The following ABCA12 variants were observed in gnomAD, a reference collection of about 807,000 sequenced individuals.
ABCA12 encodes glucosylceramide transporter ABCA12.
In ABCA12, 156 loss-of-function variants were observed where a neutral mutation model predicts 293.5. The observed-to-expected ratio is 0.53, with a 90% confidence interval of 0.47 to 0.61. The LOEUF (loss-of-function observed/expected upper bound fraction) is 0.61, where lower values mean the gene tolerates loss of function less well. ABCA12 is among the 20% of genes least tolerant of loss of function. The pLI is 0.00. For synonymous variants in ABCA12, 1,063 were observed against 1,108.0 expected (o/e 0.96, Z 0.81); for missense variants, 2,797 against 3,090.2 (o/e 0.91, Z 2.25).
intron 2 of ABCA12, among the ~76,000 whole-genome samples, chr2:215,099,763 A>C (rs1451120987): frequency 6.6e-6 from 1 of 152,144 alleles, no homozygotes; most frequent in African/African-American, 2.4e-5. Flanking sequence ...GTTGCCACTA[A>C]GTTTTGAGGG....
chr2:215,077,618 T>C (rs1701858569), intron 2 of ABCA12, among the ~76,000 whole-genome samples: 1 of 152,226 alleles, frequency 6.6e-6, no homozygotes, highest in South Asian at 2.1e-4. Context: ...TTGTGTTTAC[T>C]CCATTACCGA....
chr2:214,972,958 C>A (rs983047793), intron 36 of ABCA12, among the ~76,000 whole-genome samples: 1 of 152,038 alleles, frequency 6.6e-6, no homozygotes, highest in South Asian at 2.1e-4. Flanking sequence ...GGACCACAGA[C>A]GCGTGTCACC....
intron 9 of ABCA12, among the ~76,000 whole-genome samples, chr2:215,029,589 G>C (rs1302570015): frequency 6.6e-6 from 1 of 152,032 alleles, no homozygotes; most frequent in African/African-American, 2.4e-5. Flanking sequence ...GCTTAAAATA[G>C]AGGACAGTTG....
chr2:215,011,918 CA>C (rs1417642518), intron 16 of ABCA12, 52 bp downstream of exon 16: 45 of 1,512,738 alleles, frequency 3.0e-5, no homozygotes, highest in Non-Finnish European at 3.8e-5. Flanking sequence ...TATAACTACT[CA>C]ATATGACAGA....
chr2:215,028,737 A>G (rs1011738960), intron 9 of ABCA12, among the ~76,000 whole-genome samples: 1 of 152,212 alleles, frequency 6.6e-6, no homozygotes, highest in Non-Finnish European at 1.5e-5. Context: ...ACCCTATTAT[A>G]TAGGTTATGC....
intron 51 of ABCA12, 44 bp from the exon 52 acceptor site, chr2:214,934,259 A>G (rs759270855): frequency 6.2e-7 from 1 of 1,609,010 alleles, no homozygotes; most frequent in Admixed American, 1.7e-5. Flanking sequence ...AATGTCTGGT[A>G]ATGTTGACAT....
intron 37 of ABCA12, 25 bp from the exon 38 acceptor site, chr2:214,968,832 C>G: frequency 6.2e-7 from 1 of 1,602,660 alleles, no homozygotes; most frequent in Non-Finnish European, 8.5e-7. Flanking sequence ...AAAAATATAT[C>G]TTTGGTTTAG....
intron 2 of ABCA12, among the ~76,000 whole-genome samples, chr2:215,098,890 A>G (rs1702297264): frequency 6.6e-6 from 1 of 152,256 alleles, no homozygotes; most frequent in African/African-American, 2.4e-5. Flanking sequence ...CAAAGCAGAT[A>G]AGGACACCGC....
At chr2:214,957,602 T>C (rs1698989308) in intron 41 of ABCA12, among the ~76,000 whole-genome samples, 1 of 152,220 alleles carries the variant, frequency 6.6e-6, no homozygotes. Flanking sequence ...TCTCCAACCC[T>C]TTAAGCCGAT....
chr2:214,988,622 T>C (rs753054557), intron 26 of ABCA12, among the ~76,000 whole-genome samples: 2 of 152,338 alleles, frequency 1.3e-5, no homozygotes, highest in South Asian at 2.1e-4. Flanking sequence ...ACCCAACTTG[T>C]CTTCTTCCGT....
At chr2:214,966,698 T>C in intron 39 of ABCA12, 150 bp downstream of exon 39, 1 of 727,948 alleles carries the variant, frequency 1.4e-6, no homozygotes, top group Non-Finnish European at 2.5e-6. Context: ...CATCTGGCGA[T>C]AGTTACTACT....
intron 3 of ABCA12, 44 bp downstream of exon 3, chr2:215,064,022 T>C: frequency 2.5e-6 from 4 of 1,611,678 alleles, no homozygotes; most frequent in Non-Finnish European, 3.4e-6. Flanking sequence ...GAAACAAGAT[T>C]TGATCTCTCA....
chr2:215,122,939 C>T (rs1402026587), intron 1 of ABCA12, among the ~76,000 whole-genome samples: 1 of 152,130 alleles, frequency 6.6e-6, no homozygotes, highest in Non-Finnish European at 1.5e-5. Flanking sequence ...CCCATCATCC[C>T]TTCCCTACTA....
At chr2:215,114,248 C>T (rs1702641641) in intron 1 of ABCA12, among the ~76,000 whole-genome samples, 1 of 152,240 alleles carries the variant, frequency 6.6e-6, no homozygotes, top group Admixed American at 6.5e-5. Flanking sequence ...GCTGAGATTA[C>T]AGGCGTTAGT....
At position 214,932,198 on chromosome 2, in the gene ABCA12, CTGT is replaced by C. The variant is rs567012898; in HGVS notation, c.*433_*435del. 2.0e-4 allele frequency: 49 copies of C among 240,936 alleles called. No individual in the cohort carries two copies. The highest frequency in any genetic ancestry group is 1.1e-3 in the African/African-American group (47 of 43,054). 14.9% of individuals were successfully genotyped at this position (240,936 alleles called of 1,614,324 possible). A position where few individuals can be genotyped will look rare whatever the true frequency, so the allele number is the denominator to read the frequency against. On this transcript the variant is annotated 3_prime_UTR_variant, in exon 53 of 53. Transcript: ENST00000272895. ...TCATGTATTCATGATGATGTTCATTCTGTTGTTTTCTGGAAATAAATTATGTTG... is the reference window on the plus strand; with the variant it reads ...TCATGTATTCATGATGATGTTCATTCTGTTTTCTGGAAATAAATTATGTTG...
chr2:215,111,947 T>C (rs1483446729), intron 1 of ABCA12, among the ~76,000 whole-genome samples: 2 of 152,210 alleles, frequency 1.3e-5, no homozygotes. Context: ...TCACCTCTCA[T>C]GACTGCCCCA....
chr2:214,990,678 C>T lies in ABCA12; in HGVS notation c.3624+24G>A, dbSNP rs374924069. On this transcript the variant is annotated intron_variant, in intron 24 of 52. Coordinates refer to ENST00000272895, the MANE Select transcript of ABCA12 (RefSeq NM_173076.3). ...AAACAAAAATGGGTAATTTCCCACT[C>T]TGCCATTCCAACGGTTGACTTACCA... 71 of 1,610,112 alleles carry T rather than the reference C, an allele frequency of 4.4e-5. No individual in the cohort carries two copies. The Middle Eastern group carries it at 4.9e-4, about 11-fold the overall frequency.
chr2:214,989,718 G>A (rs1050038547), intron 24 of ABCA12, 97 bp from the exon 25 acceptor site: 1 of 1,249,056 alleles, frequency 8.0e-7, no homozygotes, highest in Non-Finnish European at 1.1e-6. Flanking sequence ...CATTTGTATA[G>A]ATAAAATTGA....
At chr2:214,944,820 C>T (rs1013731476) in intron 49 of ABCA12, among the ~76,000 whole-genome samples, 181 bp downstream of exon 49, 3 of 151,630 alleles carry the variant, frequency 2.0e-5, no homozygotes, top group African/African-American at 7.3e-5. Context: ...GAACTGTGGG[C>T]ATTCGTTGTC....
Sources: allele counts gnomAD v4.1 joint callset (sites outside exome capture counted in the v4.1 genomes callset), GRCh38; gene constraint gnomAD v4.1.1; transcripts MANE v1.5; gene names NCBI Gene and HGNC (gene_info 2026-07-23, HGNC 2026-07-21).